Variants in ADGRB3 observed in about 807,000 individuals in gnomAD.
The protein encoded by ADGRB3 is brain-specific angiogenesis inhibitor 3.
In ADGRB3, 37 loss-of-function variants were observed where a neutral mutation model predicts 193.4. That is an observed-to-expected ratio of 0.19 (90% confidence interval 0.15 to 0.25). The LOEUF (loss-of-function observed/expected upper bound fraction) is 0.25. Ranked by LOEUF, ADGRB3 falls within the 10% of genes least tolerant of loss-of-function variation. The pLI is 1.00. For synonymous variants in ADGRB3, 690 were observed against 644.2 expected (o/e 1.07, Z -1.08); for missense variants, 1,637 against 1,852.9 (o/e 0.88, Z 2.14).
chr6:69,227,347 A>G (rs1285776297), intron 17 of ADGRB3, among the ~76,000 whole-genome samples: 1 of 152,162 alleles, frequency 6.6e-6, no homozygotes, highest in Non-Finnish European at 1.5e-5. Flanking sequence ...TTATAAGTAG[A>G]CCTTTGTCTT....
At chr6:69,358,967 G>A (rs1304862831) in intron 28 of ADGRB3, among the ~76,000 whole-genome samples, 1 of 151,328 alleles carries the variant, frequency 6.6e-6, no homozygotes, top group African/African-American at 2.4e-5. Context: ...TATATCACTT[G>A]ATTGAAATGT....
intron 3 of ADGRB3, among the ~76,000 whole-genome samples, chr6:68,767,439 C>A (rs1426472412): frequency 6.6e-6 from 1 of 152,150 alleles, no homozygotes; most frequent in Non-Finnish European, 1.5e-5. Flanking sequence ...ATGACAAAAA[C>A]TACATGATTA....
chr6:68,742,558 G>T (rs1766001747), intron 3 of ADGRB3, among the ~76,000 whole-genome samples: 1 of 151,966 alleles, frequency 6.6e-6, no homozygotes, highest in African/African-American at 2.4e-5. Context: ...TCCCACATCT[G>T]CACCACCCAA....
At chr6:69,172,167 A>C (rs528113397) in intron 17 of ADGRB3, among the ~76,000 whole-genome samples, 2 of 152,236 alleles carry the variant, frequency 1.3e-5, no homozygotes, top group Admixed American at 1.3e-4. Context: ...CATTTCTTTT[A>C]TATGAGAGGA....
chr6:68,663,939 T>G (rs1768735500), intron 3 of ADGRB3, among the ~76,000 whole-genome samples: 1 of 151,820 alleles, frequency 6.6e-6, no homozygotes, highest in African/African-American at 2.4e-5. Flanking sequence ...CAGTGTGGTA[T>G]TTTTGTGCAA....
At chr6:69,058,787 T>G (rs573273138) in intron 15 of ADGRB3, among the ~76,000 whole-genome samples, 1 of 152,258 alleles carries the variant, frequency 6.6e-6, no homozygotes, top group South Asian at 2.1e-4. Context: ...TCTAGTTTTA[T>G]TCCATTGTAG....
chr6:68,757,281 T>C (rs906219409), intron 3 of ADGRB3, among the ~76,000 whole-genome samples: 3 of 152,138 alleles, frequency 2.0e-5, no homozygotes, highest in African/African-American at 7.2e-5. Flanking sequence ...CCTCTTGCTG[T>C]GTTTTGCTCA....
At chr6:69,312,790 A>G (rs1416856695) in intron 20 of ADGRB3, among the ~76,000 whole-genome samples, 3 of 151,752 alleles carry the variant, frequency 2.0e-5, no homozygotes. Flanking sequence ...TAGTTCTAAT[A>G]TCATTATAGA....
At position 69,105,483 on chromosome 6, in the gene ADGRB3, C is replaced by T. The variant is rs889973576; in HGVS notation, c.2480+29445C>T. Among the ~76,000 whole-genome samples, 4 of 152,236 alleles carry T rather than the reference C, an allele frequency of 2.6e-5. No homozygotes were observed. In the East Asian group the frequency reaches 7.7e-4, roughly 29 times the overall value. On this transcript the variant is annotated intron_variant, in intron 17 of 31. Transcript: ENST00000370598. Reference sequence around the variant, plus strand: ...CCTCTCCTACTGTCAGTGTGAGTTCCTCAGGCCTACATCGCCCTCTGCCTC... The same window carrying T: ...CCTCTCCTACTGTCAGTGTGAGTTCTTCAGGCCTACATCGCCCTCTGCCTC...
At chr6:68,700,868 G>A (rs2127308538) in intron 3 of ADGRB3, among the ~76,000 whole-genome samples, 1 of 151,732 alleles carries the variant, frequency 6.6e-6, no homozygotes, top group East Asian at 2.0e-4. Context: ...TATACCTAAT[G>A]TAAATGATGA....
rs569112389 is a variant in ADGRB3, at chr6:68,755,269, A to C, written c.757+115837A>C. On this transcript the variant is annotated intron_variant, in intron 3 of 31. Coordinates refer to ENST00000370598, the MANE Select transcript of ADGRB3 (RefSeq NM_001704.3). ...AAGGAAGGAGCTAGGCAAGTAAAAC[A>C]GCAAATATGCTGACATCAATGAGGA... is the stretch of plus-strand genomic sequence containing the variant. Among the ~76,000 whole-genome samples, 6 of 152,324 alleles carry C rather than the reference A, an allele frequency of 3.9e-5. No homozygotes were observed. The South Asian group carries it at 1.2e-3, about 32-fold the overall frequency.
chr6:69,259,155 C>G (rs1766850161), intron 20 of ADGRB3, among the ~76,000 whole-genome samples: 1 of 152,106 alleles, frequency 6.6e-6, no homozygotes, highest in Non-Finnish European at 1.5e-5. Context: ...AAAAATATAT[C>G]CTTTCGAATT....
intron 17 of ADGRB3, among the ~76,000 whole-genome samples, chr6:69,190,435 A>G (rs1765163500): frequency 6.6e-6 from 1 of 152,024 alleles, no homozygotes; most frequent in Non-Finnish European, 1.5e-5. Flanking sequence ...TAGAGATATA[A>G]AGAAAGAAAA....
chr6:68,741,903 C>T (rs1765990547), intron 3 of ADGRB3, among the ~76,000 whole-genome samples: 2 of 152,136 alleles, frequency 1.3e-5, no homozygotes, highest in Non-Finnish European at 2.9e-5. Flanking sequence ...TATGCAAATT[C>T]ATTATCATTC....
At chr6:69,125,409 T>A (rs1468610197) in intron 17 of ADGRB3, among the ~76,000 whole-genome samples, 1 of 151,956 alleles carries the variant, frequency 6.6e-6, no homozygotes, top group Non-Finnish European at 1.5e-5. Context: ...AAGCTGAGAG[T>A]ATGAGGAGGT....
chr6:68,992,911 T>A (rs940791173), intron 10 of ADGRB3, among the ~76,000 whole-genome samples: 5 of 151,594 alleles, frequency 3.3e-5, no homozygotes, highest in Non-Finnish European at 5.9e-5. Context: ...ATTATTTCAT[T>A]TTTTTTTAGT....
intron 3 of ADGRB3, among the ~76,000 whole-genome samples, chr6:68,687,486 A>C (rs1438754926): frequency 6.6e-6 from 1 of 152,164 alleles, no homozygotes; most frequent in East Asian, 1.9e-4. Flanking sequence ...ATCAGTTTTC[A>C]GGTATATGCG....
rs62418571 is a variant in ADGRB3 at position 68,836,631 on chromosome 6, C to T, written c.758-93928C>T. ...AATCTGGTATGGAAAAACGGCATTG[C>T]CCTGTTCATTGTAGAGAGCAACAAC... On this transcript the variant is annotated intron_variant, in intron 3 of 31. Transcript: ENST00000370598. 3.1e-3 allele frequency among the ~76,000 whole-genome samples: 470 copies of T among 152,170 alleles called. 1 individual carries two copies. The highest frequency in any genetic ancestry group is 5.7e-3 in the Non-Finnish European group (388 of 68,000).
chr6:68,759,830 A>G (rs1766362836), intron 3 of ADGRB3, among the ~76,000 whole-genome samples: 1 of 152,130 alleles, frequency 6.6e-6, no homozygotes, highest in African/African-American at 2.4e-5. Context: ...AAAACTATAG[A>G]TGAAGAAAAT....
Sources: gnomAD v4.1 joint callset for allele counts (sites outside exome capture counted in the v4.1 genomes callset) on GRCh38, gnomAD v4.1.1 for gene constraint, MANE v1.5 for transcripts, NCBI Gene and HGNC (gene_info 2026-07-23, HGNC 2026-07-21) for gene names.